RGR: variants seen among roughly 807,000 people sequenced by gnomAD.
RGR encodes RPE-retinal G protein-coupled receptor.
A neutral mutation model predicts 28.6 loss-of-function variants in RGR; 30 were observed. The observed-to-expected ratio is 1.05, with a 90% CI of 0.78 to 1.42. The LOEUF is 1.42. Among genes scored for constraint, RGR ranks in the 40% most tolerant of loss-of-function variants. The probability of loss-of-function intolerance (pLI) is 0.00; values close to 1 mark genes in which losing one functional copy is unlikely to be tolerated. For missense variants in RGR, 404 were observed against 375.6 expected (o/e 1.08, Z -0.62); for synonymous variants, 180 against 156.4 (o/e 1.15, Z -1.13).
rs1342564267 is a variant in RGR, at chr10:84,259,778, A to G, written c.*1139A>G. On this transcript the variant is annotated 3_prime_UTR_variant, in exon 7 of 7. Coordinates refer to ENST00000652092, the MANE Select transcript of RGR (RefSeq NM_001012720.2). ...TTGTTGAGTTATTTGAGTTTCTTAT[A>G]TATTCTGGATAATAGTCTGGATAAT... 3 of 152,002 alleles carry G rather than the reference A, an allele frequency of 2.0e-5. No homozygotes were observed. The highest frequency in any genetic ancestry group is 7.3e-5 in the African/African-American group (3 of 41,376). The allele number at this position is 152,002 out of a possible 1,614,324, so 9.4% of individuals were successfully genotyped here. A position where few individuals can be genotyped will look rare whatever the true frequency, so the allele number is the denominator to read the frequency against.
chr10:84,259,919 T>C lies in RGR; in HGVS notation c.*1280T>C, dbSNP rs2132894719. On this transcript the variant is annotated 3_prime_UTR_variant, in exon 7 of 7. Coordinates refer to ENST00000652092, the MANE Select transcript of RGR (RefSeq NM_001012720.2). ...TCATTCTGTTGATGGTTTATTTTGC[T>C]GTGCAGAAACTTTTTTAGTTTAATT... 6.6e-6 allele frequency: 1 copy of C among 152,314 alleles called. No individual in the cohort carries two copies. The highest frequency in any genetic ancestry group is 2.1e-4 in the South Asian group (1 of 4,830). The allele number at this position is 152,314 out of a possible 1,614,324, so 9.4% of individuals were successfully genotyped here.
chr10:84,253,067 T>C, intron 4 of RGR, 57 bp downstream of exon 4: 1 of 1,580,764 alleles, frequency 6.3e-7, no homozygotes, highest in Non-Finnish European at 8.6e-7. Flanking sequence ...GGCTTTGAAC[T>C]CCTATGACAA....
At chr10:84,257,309 G>T (rs1263641739) in intron 5 of RGR, among the ~76,000 whole-genome samples, 1 of 152,190 alleles carries the variant, frequency 6.6e-6, no homozygotes, top group Non-Finnish European at 1.5e-5. Flanking sequence ...CACATTGGGA[G>T]CCCAGACAGG....
At chr10:84,247,383 A>C (rs1198162864) in intron 1 of RGR, among the ~76,000 whole-genome samples, 2 of 152,202 alleles carry the variant, frequency 1.3e-5, no homozygotes, top group African/African-American at 4.8e-5. Context: ...TGACTCATAT[A>C]AAGTGCTTAT....
intron 5 of RGR, among the ~76,000 whole-genome samples, chr10:84,254,686 C>T (rs1475578601): frequency 6.6e-6 from 1 of 152,138 alleles, no homozygotes; most frequent in Non-Finnish European, 1.5e-5. Flanking sequence ...TATTTTTCTT[C>T]TCTTCCCAAG....
intron 1 of RGR, among the ~76,000 whole-genome samples, chr10:84,245,769 T>C (rs1330713070): frequency 1.3e-5 from 2 of 152,224 alleles, no homozygotes; most frequent in Admixed American, 6.5e-5. Context: ...TCTACTCCTA[T>C]GAGCCCAAGC....
intron 4 of RGR, 124 bp from the exon 5 acceptor site, chr10:84,254,202 T>C: frequency 1.2e-6 from 1 of 860,606 alleles, no homozygotes; most frequent in Admixed American, 1.7e-5. Flanking sequence ...GCAACCACAC[T>C]GCGAGCTTGT....
Position 84,248,427 on chromosome 10 carries a change from C to G in RGR, c.237-495C>G, listed in dbSNP as rs894848742. The G allele has an allele frequency of 6.5e-5, 15 of 231,782 alleles. 1 individual carries two copies. The highest frequency in any genetic ancestry group is 3.0e-4 in the African/African-American group (13 of 43,522). 14.4% of individuals were successfully genotyped at this position (231,782 alleles called of 1,614,324 possible). On this transcript the variant is annotated intron_variant, in intron 2 of 6. Coordinates refer to ENST00000652092, the MANE Select transcript of RGR (RefSeq NM_001012720.2). ...ACTACAGACGGAGGCTGGAGCCCCC[C>G]CGGATGTGCATGCTCAGTGCTGACC...
chr10:84,257,087 T>G (rs937943203), intron 5 of RGR, among the ~76,000 whole-genome samples: 1 of 152,218 alleles, frequency 6.6e-6, no homozygotes, highest in Admixed American at 6.5e-5. Flanking sequence ...CTCTTCCAGC[T>G]TAATCACCCT....
intron 5 of RGR, 137 bp downstream of exon 5, chr10:84,254,580 A>G (rs1235503770): frequency 2.6e-6 from 2 of 782,262 alleles, no homozygotes; most frequent in Non-Finnish European, 4.4e-6. Context: ...AAGCTTATTC[A>G]GCACAGTATT....
intron 2 of RGR, chr10:84,248,185 C>T (rs769228234): frequency 4.9e-5 from 60 of 1,227,878 alleles, no homozygotes; most frequent in Non-Finnish European, 5.8e-5. Context: ...CAAATGGGGG[C>T]GTTATCACCA....
rs34459757 is a variant in RGR at position 84,250,517 on chromosome 10, T to TAC, written c.358+1511_358+1512dup. 6.1e-3 allele frequency: 3,692 copies of TAC among 607,080 alleles called. 5 individuals carry two copies. Among genetic ancestry groups the TAC allele is most frequent in the African/African-American group, 0.012 (631 of 52,624 alleles). 37.6% of individuals were successfully genotyped at this position (607,080 alleles called of 1,614,324 possible). A position where few individuals can be genotyped will look rare whatever the true frequency, so the allele number is the denominator to read the frequency against. ...CCTAATGCTCCCTTGGACCATCTTA[T>TAC]ACACACACACACACACACACACACA... On this transcript the variant is annotated intron_variant, in intron 3 of 6. Coordinates refer to ENST00000652092, the MANE Select transcript of RGR (RefSeq NM_001012720.2).
intron 6 of RGR, 128 bp from the exon 7 acceptor site, chr10:84,258,380 A>C (rs1842913865): frequency 6.8e-7 from 1 of 1,479,886 alleles, no homozygotes; most frequent in Admixed American, 1.8e-5. Context: ...CTAGTCAGGG[A>C]AGCCTCCAAG....
Position 84,245,162 on chromosome 10 carries a change from G to A in RGR, c.72G>A (p.Leu24=), listed in dbSNP as rs373905383. The change falls in exon 1 of 7, where the codon CTG becomes CTA. Residue 24 remains leucine, a synonymous_variant. Transcript: ENST00000652092. ...TGCTGGCTGTGGGGATGGTGCTACT[G>A]GTGGAAGGTGAGCCAGGCAGAACCT... ...LEVLAVGMVL[L]VEALSGLSLN... The A allele has an allele frequency of 6.4e-5, 103 of 1,612,690 alleles. No homozygotes were observed. Among genetic ancestry groups the A allele is most frequent in the Non-Finnish European group, 8.6e-5 (102 of 1,179,646 alleles).
intron 4 of RGR, 151 bp downstream of exon 4, chr10:84,253,161 A>G (rs1842840747): frequency 1.1e-6 from 1 of 903,256 alleles, no homozygotes; most frequent in South Asian, 1.7e-5. Context: ...ACCCACCTGC[A>G]GGTGGACAGT....
At chr10:84,245,319 C>CG in intron 1 of RGR, 150 bp downstream of exon 1, 1 of 696,128 alleles carries the variant, frequency 1.4e-6, no homozygotes, top group Non-Finnish European at 2.4e-6. Flanking sequence ...TGCCCGGACT[C>CG]GGGGGGTGTT....
intron 3 of RGR, among the ~76,000 whole-genome samples, chr10:84,249,426 C>A (rs1353062441): frequency 6.6e-6 from 1 of 152,198 alleles, no homozygotes; most frequent in Non-Finnish European, 1.5e-5. Flanking sequence ...GATTCTTTTG[C>A]CTCAGCCTCC....
intron 3 of RGR, among the ~76,000 whole-genome samples, chr10:84,251,109 C>G (rs1589332224): frequency 6.6e-6 from 1 of 151,708 alleles, no homozygotes; most frequent in African/African-American, 2.4e-5. Flanking sequence ...GTGGCATGAG[C>G]TTGTAATCCC....
intron 5 of RGR, among the ~76,000 whole-genome samples, chr10:84,256,055 C>CTTTTTTTT (rs1564551538): frequency 9.0e-5 from 6 of 66,492 alleles, no homozygotes; most frequent in Non-Finnish European, 1.4e-4. Context: ...TTTTTTTTTC[C>CTTTTTTTT]TTTCTTTTTT....
Sources: gnomAD v4.1 joint callset for allele counts (sites outside exome capture counted in the v4.1 genomes callset) on GRCh38, gnomAD v4.1.1 for gene constraint, MANE v1.5 for transcripts, NCBI Gene and HGNC (gene_info 2026-07-23, HGNC 2026-07-21) for gene names.